Variants in SLC4A10 observed in about 807,000 individuals in gnomAD.
The protein encoded by SLC4A10 is sodium-driven chloride bicarbonate exchanger.
In SLC4A10, 42 loss-of-function variants were observed where a neutral mutation model predicts 137.7. The observed-to-expected ratio is 0.30, with a 90% CI of 0.24 to 0.39. The LOEUF (loss-of-function observed/expected upper bound fraction) is 0.39. SLC4A10 is among the 10% of genes least tolerant of loss of function. The probability of loss-of-function intolerance (pLI) is 1.00; values close to 1 mark genes in which losing one functional copy is unlikely to be tolerated. For synonymous variants in SLC4A10, 474 were observed against 464.1 expected, an observed-to-expected ratio of 1.02 and a Z score of -0.27; for missense variants, 925 against 1,355.0, an observed-to-expected ratio of 0.68 and a Z score of 4.98.
intron 26 of SLC4A10, among the ~76,000 whole-genome samples, chr2:161,980,218 GTC>G (rs1700019722): frequency 6.6e-6 from 1 of 152,144 alleles, no homozygotes; most frequent in South Asian, 2.1e-4. Context: ...ACAGAGGCTA[GTC>G]TCTGGGACTA....
At chr2:161,877,468 A>G (rs2061508185) in intron 8 of SLC4A10, among the ~76,000 whole-genome samples, 1 of 152,040 alleles carries the variant, frequency 6.6e-6, no homozygotes, top group South Asian at 2.1e-4. Context: ...GAAATCTTCT[A>G]TTCCCTCCTT....
intron 2 of SLC4A10, among the ~76,000 whole-genome samples, chr2:161,775,981 A>G (rs1257350021): frequency 6.6e-6 from 1 of 151,888 alleles, no homozygotes; most frequent in African/African-American, 2.4e-5. Context: ...AATCAAGGAG[A>G]TACTATTAAA....
chr2:161,629,126 T>G (rs943030193), intron 1 of SLC4A10, among the ~76,000 whole-genome samples: 3 of 151,974 alleles, frequency 2.0e-5, no homozygotes, highest in African/African-American at 7.2e-5. Flanking sequence ...TGAGAGAGAC[T>G]TCAACTCTTC....
rs191584956 is a variant in SLC4A10 at position 161,661,575 on chromosome 2, T to C, written c.48+37009T>C. ...GAGTTTAGAAATCTTCAGGATAGTC[T>C]AATACTTAGCTTCTGTTTGAAAGTG... On this transcript the variant is annotated intron_variant, in intron 1 of 26. Coordinates refer to ENST00000446997, the MANE Select transcript of SLC4A10 (RefSeq NM_001178015.2). 3.5e-3 allele frequency among the ~76,000 whole-genome samples: 534 copies of C among 152,376 alleles called. 3 individuals carry two copies. Among genetic ancestry groups the C allele is most frequent in the African/African-American group, 0.012 (504 of 41,588 alleles).
intron 1 of SLC4A10, among the ~76,000 whole-genome samples, chr2:161,663,303 A>G (rs1266225542): frequency 6.6e-6 from 1 of 152,182 alleles, no homozygotes; most frequent in Non-Finnish European, 1.5e-5. Context: ...ACCTGAAGTG[A>G]AGAATATGTT....
chr2:161,768,832 C>T lies in SLC4A10; in HGVS notation c.49-2141C>T, dbSNP rs566394298. ...CTGTCCTGCCTGGGATCTAATTATC[C>T]GATTCCATTTTAGGATTCCAGTTTG... is the stretch of plus-strand genomic sequence containing the variant. On this transcript the variant is annotated intron_variant, in intron 1 of 26. Transcript: ENST00000446997. Among the ~76,000 whole-genome samples the T allele has an allele frequency of 1.3e-4, 20 of 151,934 alleles. No individual in the cohort carries two copies. The East Asian group carries it at 1.4e-3, about 10-fold the overall frequency.
intron 1 of SLC4A10, among the ~76,000 whole-genome samples, chr2:161,718,755 G>A (rs1398545775): frequency 6.6e-6 from 1 of 152,142 alleles, no homozygotes; most frequent in African/African-American, 2.4e-5. Flanking sequence ...GTAGTGCTGA[G>A]AAGAATGTAT....
At chr2:161,981,461 G>C (rs888483573) in intron 26 of SLC4A10, among the ~76,000 whole-genome samples, 1 of 152,198 alleles carries the variant, frequency 6.6e-6, no homozygotes, top group African/African-American at 2.4e-5. Flanking sequence ...CCAAGTCTCA[G>C]AGAGATTAAA....
At chr2:161,741,099 C>T (rs1236195032) in intron 1 of SLC4A10, among the ~76,000 whole-genome samples, 1 of 151,826 alleles carries the variant, frequency 6.6e-6, no homozygotes, top group Non-Finnish European at 1.5e-5. Flanking sequence ...ATGCTGAAAC[C>T]GTGTCTCCAC....
At chr2:161,775,097 C>T (rs1349902451) in intron 2 of SLC4A10, among the ~76,000 whole-genome samples, 3 of 151,882 alleles carry the variant, frequency 2.0e-5, no homozygotes. Context: ...TCTCAAGTTT[C>T]TGCCGCTTTT....
intron 26 of SLC4A10, among the ~76,000 whole-genome samples, chr2:161,978,189 A>T (rs1214087998): frequency 6.6e-6 from 1 of 151,996 alleles, no homozygotes; most frequent in Non-Finnish European, 1.5e-5. Context: ...GTTCGAGACA[A>T]GCTTCGTCAA....
intron 1 of SLC4A10, among the ~76,000 whole-genome samples, chr2:161,694,818 A>T (rs181729647): frequency 2.9e-4 from 44 of 152,168 alleles, no homozygotes; most frequent in South Asian, 1.2e-3. Context: ...CATCCCCTTC[A>T]GTCATTATTA....
chr2:161,905,637 C>A lies in SLC4A10; in HGVS notation c.1752-5C>A. The A allele has an allele frequency of 6.3e-7, 1 of 1,585,260 alleles. No individual in the cohort carries two copies. The highest frequency in any genetic ancestry group is 8.6e-7 in the Non-Finnish European group (1 of 1,166,732). On this transcript the variant is annotated splice_region_variant and splice_polypyrimidine_tract_variant and intron_variant, in intron 14 of 26. Transcript: ENST00000446997. The stretch of plus-strand genomic sequence containing the variant: ...TTCACTGTTCTTTCCTTTTCCTCCT[C>A]CCAGAGAATATGGGCTGTCATACCT...
intron 4 of SLC4A10, among the ~76,000 whole-genome samples, chr2:161,845,197 G>T (rs572560562): frequency 1.8e-4 from 27 of 152,160 alleles, no homozygotes; most frequent in African/African-American, 3.6e-4. Context: ...AGGATGAAAT[G>T]GGATTTAAAA....
intron 1 of SLC4A10, among the ~76,000 whole-genome samples, chr2:161,697,223 T>TA (rs1399889017): frequency 3.3e-5 from 5 of 152,090 alleles, no homozygotes; most frequent in African/African-American, 1.2e-4. Flanking sequence ...GTCAGATGAG[T>TA]AGGTTGCAAA....
chr2:161,736,554 G>A (rs1386013902), intron 1 of SLC4A10, among the ~76,000 whole-genome samples: 10 of 152,128 alleles, frequency 6.6e-5, no homozygotes, highest in Admixed American at 6.5e-4. Context: ...TCACAAGGTA[G>A]CAGGAAAGAA....
At chr2:161,660,584 C>CTTTCTTTCTTTCTTTCT (rs1558969119) in intron 1 of SLC4A10, among the ~76,000 whole-genome samples, 1 of 130,960 alleles carries the variant, frequency 7.6e-6, no homozygotes, top group Non-Finnish European at 1.7e-5. Flanking sequence ...TTCTTTCTTT[C>CTTTCTTTCTTTCTTTCT]TTTCTTTCTT....
chr2:161,633,729 C>G (rs1398785308), intron 1 of SLC4A10, among the ~76,000 whole-genome samples: 1 of 151,604 alleles, frequency 6.6e-6, no homozygotes, highest in African/African-American at 2.4e-5. Flanking sequence ...AATGCTTACT[C>G]AATAACTCGA....
intron 1 of SLC4A10, chr2:161,708,894 C>G: frequency 6.9e-7 from 1 of 1,456,374 alleles, no homozygotes; most frequent in Admixed American, 2.6e-5. Context: ...CTAGTTCTTA[C>G]TCATTGAAAA....
Sources: gnomAD v4.1 joint callset for allele counts (sites outside exome capture counted in the v4.1 genomes callset) on GRCh38, gnomAD v4.1.1 for gene constraint, MANE v1.5 for transcripts, NCBI Gene and HGNC (gene_info 2026-07-23, HGNC 2026-07-21) for gene names.